CADM1: variants seen among roughly 807,000 people sequenced by gnomAD.
CADM1 encodes TSLC-1.
A neutral mutation model predicts 53.1 loss-of-function variants in CADM1; 15 were observed. The observed-to-expected ratio is 0.28, with a 90% confidence interval of 0.19 to 0.44. The LOEUF is 0.44. CADM1 is among the 20% of genes least tolerant of loss of function. CADM1 has a pLI of 1.00. For missense variants in CADM1, 434 were observed against 611.3 expected (o/e 0.71, Z 3.06); for synonymous variants, 281 against 243.0 (o/e 1.16, Z -1.45).
intron 1 of CADM1, among the ~76,000 whole-genome samples, chr11:115,447,027 C>T (rs577665796): frequency 1.3e-5 from 2 of 152,286 alleles, no homozygotes; most frequent in East Asian, 1.9e-4. Context: ...TAGGTACAAA[C>T]TATTCCTTTA....
chr11:115,180,550 A>G (rs1939261163), intron 10 of CADM1, among the ~76,000 whole-genome samples: 1 of 152,196 alleles, frequency 6.6e-6, no homozygotes, highest in South Asian at 2.1e-4. Flanking sequence ...TCCTCAGCCA[A>G]AAGTGTTGCC....
intron 1 of CADM1, among the ~76,000 whole-genome samples, chr11:115,437,686 G>A (rs1318540147): frequency 6.6e-6 from 1 of 152,142 alleles, no homozygotes; most frequent in African/African-American, 2.4e-5. Flanking sequence ...AAATTCCAAA[G>A]TTGGACTACA....
rs1238582120 is a variant in CADM1, at chr11:115,174,684, A to G, written c.*1790T>C. On this transcript the variant is annotated 3_prime_UTR_variant, in exon 12 of 12. Coordinates refer to ENST00000331581, the MANE Select transcript of CADM1 (RefSeq NM_001301043.2). ...GCATAAGTTTTCCACATAATGTAAC[A>G]ATAGTAAAAATGCACCTTGCAAAAT... The G allele has an allele frequency of 1.0e-6, 1 of 978,848 alleles. No individual in the cohort carries two copies. Among genetic ancestry groups the G allele is most frequent in the African/African-American group, 1.8e-5 (1 of 57,108 alleles). 60.6% of individuals were successfully genotyped at this position (978,848 alleles called of 1,614,324 possible). A position where few individuals can be genotyped will look rare whatever the true frequency, so the allele number is the denominator to read the frequency against.
At chr11:115,346,439 C>T (rs928579225) in intron 1 of CADM1, among the ~76,000 whole-genome samples, 1 of 152,054 alleles carries the variant, frequency 6.6e-6, no homozygotes, top group Admixed American at 6.6e-5. Context: ...TGCTATGTTC[C>T]CCGGGCTGAT....
chr11:115,196,790 CTT>C (rs1368967864), intron 9 of CADM1, among the ~76,000 whole-genome samples: 1 of 151,958 alleles, frequency 6.6e-6, no homozygotes, highest in African/African-American at 2.4e-5. Context: ...TAAAAAGAAA[CTT>C]AAGTATCTTA....
chr11:115,400,544 CAT>C (rs1307235764), intron 1 of CADM1, among the ~76,000 whole-genome samples: 1 of 139,626 alleles, frequency 7.2e-6, no homozygotes, highest in Non-Finnish European at 1.5e-5. Context: ...ATCAGACCTA[CAT>C]ATATATATGG....
chr11:115,396,253 G>A (rs748422260), intron 1 of CADM1, among the ~76,000 whole-genome samples: 1 of 152,206 alleles, frequency 6.6e-6, no homozygotes. Context: ...GCGTGTCCTT[G>A]TGAATGTGAC....
intron 1 of CADM1, among the ~76,000 whole-genome samples, chr11:115,308,211 T>TATATATATATATATATATACACATAC (rs139012671): frequency 7.2e-5 from 10 of 139,384 alleles, no homozygotes; most frequent in African/African-American, 2.7e-4. Context: ...TATATATATA[T>TATATATATATATATATATACACATAC]ACACACCTAT....
chr11:115,425,785 C>G (rs1257109730), intron 1 of CADM1, among the ~76,000 whole-genome samples: 1 of 152,210 alleles, frequency 6.6e-6, no homozygotes, highest in East Asian at 1.9e-4. Flanking sequence ...AGTAAACCCT[C>G]TCAAAAGATG....
chr11:115,424,108 G>A lies in CADM1; in HGVS notation c.124+80163C>T, dbSNP rs377232168. 3.3e-5 allele frequency among the ~76,000 whole-genome samples: 5 copies of A among 152,296 alleles called. No homozygotes were observed. The South Asian group carries it at 8.3e-4, about 25-fold the overall frequency. On this transcript the variant is annotated intron_variant, in intron 1 of 11. Coordinates refer to ENST00000331581, the MANE Select transcript of CADM1 (RefSeq NM_001301043.2). ...TTCCTGCTTCTTGAGCTGACATATC[G>A]AGGTGGGGAAACGACATCCTAAATG...
chr11:115,418,438 C>T (rs1261110575), intron 1 of CADM1, among the ~76,000 whole-genome samples: 1 of 152,140 alleles, frequency 6.6e-6, no homozygotes, highest in Non-Finnish European at 1.5e-5. Context: ...ACTACCCTTA[C>T]AGGCTTCCAA....
intron 1 of CADM1, among the ~76,000 whole-genome samples, chr11:115,480,886 C>T (rs1405114161): frequency 1.3e-5 from 2 of 152,028 alleles, no homozygotes; most frequent in Admixed American, 1.3e-4. Context: ...CCATTATCTC[C>T]ACCTCAGAAG....
chr11:115,225,618 A>T (rs1591621765), intron 5 of CADM1, among the ~76,000 whole-genome samples: 2 of 152,196 alleles, frequency 1.3e-5, no homozygotes, highest in African/African-American at 4.8e-5. Flanking sequence ...ACTTAAATCC[A>T]CAAGACAAAA....
chr11:115,483,493 G>A (rs1949301166), intron 1 of CADM1, among the ~76,000 whole-genome samples: 2 of 152,076 alleles, frequency 1.3e-5, no homozygotes, highest in African/African-American at 4.8e-5. Context: ...GCCAAAAGGG[G>A]TAATTCTTCA....
intron 1 of CADM1, among the ~76,000 whole-genome samples, chr11:115,430,727 G>A (rs1420751593): frequency 6.6e-6 from 1 of 152,148 alleles, no homozygotes; most frequent in Non-Finnish European, 1.5e-5. Context: ...CAGGACCAGA[G>A]ATTTGGTCAT....
At chr11:115,322,676 T>C (rs1944854849) in intron 1 of CADM1, among the ~76,000 whole-genome samples, 1 of 152,214 alleles carries the variant, frequency 6.6e-6, no homozygotes, top group South Asian at 2.1e-4. Flanking sequence ...ATGTGGCCTT[T>C]GGGCTTCTTC....
chr11:115,214,182 T>C (rs921388400), intron 7 of CADM1, among the ~76,000 whole-genome samples: 1 of 152,220 alleles, frequency 6.6e-6, no homozygotes, highest in African/African-American at 2.4e-5. Context: ...TTGGAATTAA[T>C]AGCTTCATGC....
intron 8 of CADM1, among the ~76,000 whole-genome samples, chr11:115,198,909 C>T (rs1289181624): frequency 6.6e-6 from 1 of 152,184 alleles, no homozygotes; most frequent in Non-Finnish European, 1.5e-5. Context: ...TTCTTGACTG[C>T]CAATTAGGCA....
intron 1 of CADM1, among the ~76,000 whole-genome samples, chr11:115,462,227 C>G (rs1948811104): frequency 6.6e-6 from 1 of 152,180 alleles, no homozygotes. Context: ...CATTTCAGTA[C>G]AGCGGAGGCA....
Sources: allele counts gnomAD v4.1 joint callset (sites outside exome capture counted in the v4.1 genomes callset), GRCh38; gene constraint gnomAD v4.1.1; transcripts MANE v1.5; gene names NCBI Gene and HGNC (gene_info 2026-07-23, HGNC 2026-07-21).